The following COL17A1 variants were observed in gnomAD, a reference collection of about 807,000 sequenced individuals.
COL17A1 encodes collagen alpha-1(XVII) chain.
COL17A1 carries 181 observed loss-of-function variants against 218.4 expected under a neutral mutation model. The observed-to-expected ratio is 0.83, with a 90% CI of 0.73 to 0.94. The LOEUF (loss-of-function observed/expected upper bound fraction) is 0.94, where lower values mean the gene tolerates loss of function less well. COL17A1 is among the 40% of genes least tolerant of loss of function. The pLI, the probability that COL17A1 is intolerant of heterozygous loss-of-function variation, is 0.00. For missense variants in COL17A1, 1,924 were observed against 1,945.9 expected (o/e 0.99, Z 0.21); for synonymous variants, 721 against 731.0 (o/e 0.99, Z 0.22).
rs371208534 is a variant in COL17A1, at chr10:104,074,112, A to G, written c.379+72T>C. The G allele has an allele frequency of 2.7e-5, 43 of 1,611,328 alleles. No individual in the cohort carries two copies. The African/African-American group carries it at 4.5e-4, about 17-fold the overall frequency. ...ACTCATGAGGTCCCCTACTCCCACC[A>G]CTTCATCTCCCCCAGGGATTTTCCT... is the stretch of plus-strand genomic sequence containing the variant. On this transcript the variant is annotated intron_variant, in intron 6 of 55. Coordinates refer to ENST00000648076, the MANE Select transcript of COL17A1 (RefSeq NM_000494.4).
intron 9 of COL17A1, among the ~76,000 whole-genome samples, chr10:104,068,379 CTGTT>C (rs763909643): frequency 1.3e-5 from 2 of 152,282 alleles, no homozygotes; most frequent in Middle Eastern, 3.4e-3. Flanking sequence ...TGGGATGAGA[CTGTT>C]TGTAAATGGG....
At chr10:104,076,472 G>C in intron 4 of COL17A1, 43 bp from the exon 5 acceptor site, 1 of 1,612,734 alleles carries the variant, frequency 6.2e-7, no homozygotes, top group Non-Finnish European at 8.5e-7. Context: ...CTTCAGCAGA[G>C]AGGTGAACCA....
intron 19 of COL17A1, 171 bp downstream of exon 19, chr10:104,055,201 C>G (rs2086508678): frequency 7.0e-7 from 1 of 1,426,386 alleles, no homozygotes; most frequent in Non-Finnish European, 9.7e-7. Flanking sequence ...GCTGCCTTAT[C>G]TAAGATATTC....
chr10:104,076,375 G>T lies in COL17A1; in HGVS notation c.257C>A (p.Pro86His). The change falls in exon 5 of 56, where the codon CCT (proline) becomes CAT (histidine). Residue 86 changes from proline (P) to histidine (H), a missense_variant. Pro to His is a moderately conservative substitution (Grantham distance 77). Transcript: ENST00000648076. ...TGGGGAGTTGGGCAGAGTGGAGGCAGGTGAGTGAGCCCTCCTGTAACTAGA... is the reference window on the plus strand; with the variant it reads ...TGGGGAGTTGGGCAGAGTGGAGGCATGTGAGTGAGCCCTCCTGTAACTAGA... ...STSSYRRAHS[P>H]ASTLPNSPGS... The T allele has an allele frequency of 1.2e-5, 19 of 1,614,220 alleles. No individual in the cohort carries two copies. The highest frequency in any genetic ancestry group is 1.5e-5 in the Non-Finnish European group (18 of 1,180,028).
Position 104,034,069 on chromosome 10 carries a change from G to A in COL17A1, c.4032C>T (p.Gly1344=), listed in dbSNP as rs377235628. Residue 1344 remains glycine, a synonymous_variant, in exon 52 of 56, where the codon GGC becomes GGT. Transcript: ENST00000648076. ...RGPYGTDIGP[G]GGYGAAAEGG... Reference sequence around the variant, plus strand: ...CTTCTGCTGCTGCCCCATAGCCTCCGCCTGGGCCGATGTCAGTGCCATAGG... The same window carrying A: ...CTTCTGCTGCTGCCCCATAGCCTCCACCTGGGCCGATGTCAGTGCCATAGG... The A allele has an allele frequency of 1.9e-4, 311 of 1,614,034 alleles. 1 individual carries two copies. Among genetic ancestry groups the A allele is most frequent in the Middle Eastern group, 3.3e-4 (2 of 6,060 alleles).
intron 53 of COL17A1, 94 bp downstream of exon 53, chr10:104,033,144 C>G (rs1844711367): frequency 6.5e-7 from 1 of 1,538,232 alleles, no homozygotes; most frequent in Admixed American, 2.0e-5. Flanking sequence ...ATGTTAATAA[C>G]TGGAGATTTC....
At chr10:104,055,201 C>T in intron 19 of COL17A1, 171 bp downstream of exon 19, 1 of 1,426,384 alleles carries the variant, frequency 7.0e-7, no homozygotes, top group East Asian at 2.3e-5. Context: ...GCTGCCTTAT[C>T]TAAGATATTC....
intron 29 of COL17A1, 24 bp downstream of exon 29, chr10:104,049,385 A>C: frequency 6.2e-7 from 1 of 1,612,982 alleles, no homozygotes; most frequent in South Asian, 1.1e-5. Context: ...GAACTCACTG[A>C]ATCCATTCCT....
chr10:104,036,425 T>C, intron 48 of COL17A1, 67 bp downstream of exon 48: 3 of 1,606,368 alleles, frequency 1.9e-6, no homozygotes, highest in Non-Finnish European at 1.7e-6. Flanking sequence ...ACAGGGAAGT[T>C]CACGCTGCGA....
intron 43 of COL17A1, 131 bp from the exon 44 acceptor site, chr10:104,039,252 A>C (rs2086333387): frequency 3.8e-6 from 4 of 1,040,552 alleles, no homozygotes; most frequent in Non-Finnish European, 5.9e-6. Context: ...TAATAATACC[A>C]CAGCTCCCTT....
Position 104,034,273 on chromosome 10 carries a change from AG to A in COL17A1, c.3827del (p.Pro1276LeufsTer36). 1 of 1,598,246 alleles carries A rather than the reference AG, an allele frequency of 6.3e-7. No homozygotes were observed. ...PPGPPGPQGP[P>X]GDSRLLSTDA... is the part of the protein sequence containing the mutation. ...CCGTGGACAGGAGGCGGCTGTCCCC[AG>A]GGGGTCCCTGCGGCCCAGGAGGGCC... On this transcript the variant is annotated frameshift_variant, in exon 52 of 56. Coordinates refer to ENST00000648076, the MANE Select transcript of COL17A1 (RefSeq NM_000494.4). LOFTEE classifies it high-confidence loss of function.
At chr10:104,047,047 G>A (rs2086417787) in intron 31 of COL17A1, among the ~76,000 whole-genome samples, 1 of 152,200 alleles carries the variant, frequency 6.6e-6, no homozygotes, top group South Asian at 2.1e-4. Flanking sequence ...TCTGAGGAGA[G>A]CCACAAATCC....
At chr10:104,063,232 A>T (rs1589571993) in intron 11 of COL17A1, among the ~76,000 whole-genome samples, 1 of 152,232 alleles carries the variant, frequency 6.6e-6, no homozygotes. Context: ...GGCTCTTAAG[A>T]TGTATGTGGA....
At chr10:104,033,840 T>C in intron 52 of COL17A1, 105 bp downstream of exon 52, 1 of 1,550,800 alleles carries the variant, frequency 6.4e-7, no homozygotes, top group Non-Finnish European at 8.8e-7. Context: ...CCTGCCTGCT[T>C]GATTCTGTCT....
At position 104,040,509 on chromosome 10, in the gene COL17A1, G is replaced by C. The variant is rs561592114; in HGVS notation, c.2702-99C>G. 85 of 645,800 alleles carry C rather than the reference G, an allele frequency of 1.3e-4. 2 individuals carry two copies. The highest frequency in any genetic ancestry group is 1.2e-3 in the South Asian group (85 of 71,512). 40.0% of individuals were successfully genotyped at this position (645,800 alleles called of 1,614,324 possible). A position where few individuals can be genotyped will look rare whatever the true frequency, so the allele number is the denominator to read the frequency against. On this transcript the variant is annotated intron_variant, in intron 39 of 55. Coordinates refer to ENST00000648076, the MANE Select transcript of COL17A1 (RefSeq NM_000494.4). ...CAACATAGATGCTCAATCAATACTT[G>C]TCAAATAGTTGGATGGGTGGATGGA... is the stretch of plus-strand genomic sequence containing the variant.
intron 39 of COL17A1, 99 bp downstream of exon 39, chr10:104,040,966 G>T: frequency 1.6e-6 from 2 of 1,284,038 alleles, no homozygotes; most frequent in Non-Finnish European, 2.3e-6. Context: ...GGAGCAGGAA[G>T]CCTGGTGAGT....
At chr10:104,061,915 G>T (rs141521477) in intron 12 of COL17A1, among the ~76,000 whole-genome samples, 2 of 152,144 alleles carry the variant, frequency 1.3e-5, no homozygotes, top group Admixed American at 6.5e-5. Flanking sequence ...CCTGTAGGGG[G>T]TGCACCATAA....
intron 6 of COL17A1, 107 bp from the exon 7 acceptor site, chr10:104,073,352 T>C (rs2086683961): frequency 1.0e-6 from 1 of 961,356 alleles, no homozygotes; most frequent in East Asian, 2.4e-5. Flanking sequence ...TCATAGTGTG[T>C]CTAAATCCAG....
chr10:104,059,105 G>A (rs1564680648), intron 15 of COL17A1, among the ~76,000 whole-genome samples: 1 of 152,132 alleles, frequency 6.6e-6, no homozygotes, highest in African/African-American at 2.4e-5. Flanking sequence ...AAGACTTACA[G>A]TCAGGTTCCA....
Sources: allele counts gnomAD v4.1 joint callset (sites outside exome capture counted in the v4.1 genomes callset), GRCh38; gene constraint gnomAD v4.1.1; transcripts MANE v1.5; gene names NCBI Gene and HGNC (gene_info 2026-07-23, HGNC 2026-07-21).